ANKS1A: variants seen among roughly 807,000 people sequenced by gnomAD.
ANKS1A encodes ankyrin repeat and SAM domain-containing protein 1A.
In ANKS1A, 55 loss-of-function variants were observed where a neutral mutation model predicts 120.3. The ratio of observed to expected loss-of-function variants is 0.46; its 90% CI spans 0.37 to 0.57. The LOEUF (loss-of-function observed/expected upper bound fraction) is 0.57, where lower values mean the gene tolerates loss of function less well. Ranked by LOEUF, ANKS1A falls within the 20% of genes least tolerant of loss-of-function variation. The pLI is 0.00. For synonymous variants in ANKS1A, 590 were observed against 604.7 expected (o/e 0.98, Z 0.36); for missense variants, 1,123 against 1,480.3 (o/e 0.76, Z 3.96).
In ANKS1A at chr6:35,056,288, TTTG is replaced by T. The variant is rs1277390763; in HGVS notation, c.2077+2138_2077+2140del. Among the ~76,000 whole-genome samples, 6 of 152,154 alleles carry T rather than the reference TTTG, an allele frequency of 3.9e-5. No homozygotes were observed. In the East Asian group the frequency reaches 7.7e-4, roughly 20 times the overall value. ...TAGTTTTTTGTTTGTTTGTTTTATT[TTTG>T]TTGTTGTTGTTGTTTGAGACGGAGT... On this transcript the variant is annotated intron_variant, in intron 12 of 23. Transcript: ENST00000360359.
At chr6:34,916,464 G>T (rs1561845991) in intron 1 of ANKS1A, among the ~76,000 whole-genome samples, 1 of 152,188 alleles carries the variant, frequency 6.6e-6, no homozygotes, top group Non-Finnish European at 1.5e-5. Flanking sequence ...TGCTGCTGGA[G>T]ACTGCTGTAG....
At chr6:35,019,052 T>C (rs765585643) in intron 11 of ANKS1A, among the ~76,000 whole-genome samples, 14 of 152,072 alleles carry the variant, frequency 9.2e-5, no homozygotes, top group Admixed American at 2.0e-4. Flanking sequence ...GTAGAAAACA[T>C]TGGGAGTCAG....
At chr6:34,910,988 A>G (rs1767883211) in intron 1 of ANKS1A, among the ~76,000 whole-genome samples, 1 of 152,178 alleles carries the variant, frequency 6.6e-6, no homozygotes, top group South Asian at 2.1e-4. Flanking sequence ...GATAACTGAA[A>G]TGAAACACTT....
chr6:34,974,570 G>A (rs576509284), intron 3 of ANKS1A, among the ~76,000 whole-genome samples: 1 of 151,782 alleles, frequency 6.6e-6, no homozygotes, highest in Non-Finnish European at 1.5e-5. Flanking sequence ...TTTTGTTTTG[G>A]AAGTAGAGTG....
At chr6:35,055,332 AAT>A (rs2127587440) in intron 12 of ANKS1A, among the ~76,000 whole-genome samples, 1 of 150,694 alleles carries the variant, frequency 6.6e-6, no homozygotes. Flanking sequence ...GATAAAAAAA[AAT>A]TTTTTTTTTT....
intron 1 of ANKS1A, among the ~76,000 whole-genome samples, chr6:34,962,133 A>G (rs1770668498): frequency 6.6e-6 from 1 of 152,200 alleles, no homozygotes; most frequent in African/African-American, 2.4e-5. Flanking sequence ...GCATAGTCAT[A>G]TACTTTTTGG....
intron 1 of ANKS1A, among the ~76,000 whole-genome samples, chr6:34,900,461 T>C (rs1441795289): frequency 6.6e-6 from 1 of 152,108 alleles, no homozygotes; most frequent in Admixed American, 6.6e-5. Context: ...GTTTTTTTTT[T>C]AATAACAAAA....
chr6:35,013,167 C>T (rs753848176), intron 10 of ANKS1A, among the ~76,000 whole-genome samples: 16 of 152,168 alleles, frequency 1.1e-4, no homozygotes, highest in Middle Eastern at 3.2e-3. Flanking sequence ...GTGCTCAGCT[C>T]GAAAGCTACC....
chr6:34,908,835 C>T (rs2127455017), intron 1 of ANKS1A, among the ~76,000 whole-genome samples: 1 of 151,772 alleles, frequency 6.6e-6, no homozygotes, highest in Admixed American at 6.6e-5. Context: ...ACTTCCAAGC[C>T]TCATCTTTTG....
In ANKS1A at chr6:35,079,907, C is replaced by T. The variant is rs1003288567; in HGVS notation, c.2523C>T (p.Pro841=). The change falls in exon 16 of 24, where the codon CCC becomes CCT. Residue 841 remains proline, a synonymous_variant. Coordinates refer to ENST00000360359, the MANE Select transcript of ANKS1A (RefSeq NM_015245.3). ...DRPYEEPPQK[P]PRFSQLRCQD... Reference sequence around the variant, plus strand: ...CGTACGAGGAGCCGCCCCAGAAGCCCCCCAGATTCTCCCAGCTGAGGGTGA... The same window carrying T: ...CGTACGAGGAGCCGCCCCAGAAGCCTCCCAGATTCTCCCAGCTGAGGGTGA... The T allele has an allele frequency of 5.1e-6, 8 of 1,558,748 alleles. No homozygotes were observed. The Middle Eastern group carries it at 1.1e-3, about 208-fold the overall frequency.
At chr6:35,027,471 G>T (rs1373164975) in intron 11 of ANKS1A, among the ~76,000 whole-genome samples, 3 of 152,222 alleles carry the variant, frequency 2.0e-5, no homozygotes, top group Non-Finnish European at 4.4e-5. Context: ...TGGTCTGTGT[G>T]TATGCATGCA....
chr6:34,916,274 T>C (rs893799486), intron 1 of ANKS1A, among the ~76,000 whole-genome samples: 7 of 152,180 alleles, frequency 4.6e-5, no homozygotes, highest in Admixed American at 1.3e-4. Flanking sequence ...ATTACAGGCA[T>C]GAGCCACTGC....
At chr6:35,021,449 T>A (rs2689088) in intron 11 of ANKS1A, among the ~76,000 whole-genome samples, 138,309 of 152,206 alleles carry the variant, frequency 0.91, 63,629 homozygotes, top group East Asian at 0.99. Flanking sequence ...CCCCAGCTCC[T>A]CCATCTCCAC....
intron 10 of ANKS1A, among the ~76,000 whole-genome samples, chr6:35,007,678 T>G (rs1421552684): frequency 6.6e-6 from 1 of 152,228 alleles, no homozygotes; most frequent in Non-Finnish European, 1.5e-5. Context: ...AGTGCTTGGG[T>G]CCAGGTGAAG....
intron 3 of ANKS1A, among the ~76,000 whole-genome samples, chr6:34,970,463 G>A (rs950937515): frequency 6.6e-6 from 1 of 152,048 alleles, no homozygotes; most frequent in African/African-American, 2.4e-5. Context: ...TCAGCCCTTC[G>A]TTTCCAGGAC....
At chr6:34,928,839 T>C (rs767657646) in intron 1 of ANKS1A, among the ~76,000 whole-genome samples, 4 of 152,198 alleles carry the variant, frequency 2.6e-5, no homozygotes, top group Non-Finnish European at 5.9e-5. Context: ...TTTTCCTCTT[T>C]TGAGTTCTAA....
rs1435354864 is a variant in ANKS1A at position 35,044,608 on chromosome 6, C to T, written c.2011-9491C>T. On this transcript the variant is annotated intron_variant, in intron 11 of 23. Coordinates refer to ENST00000360359, the MANE Select transcript of ANKS1A (RefSeq NM_015245.3). The surrounding 1 kb of genome is among the most constrained non-coding windows in gnomAD (Gnocchi z 4.4). ...GCCTTGTAGAAAGGCGTCACTCCCT[C>T]ACATAAAACGTTTTGTCCTGAATGG... Among the ~76,000 whole-genome samples, 2 of 152,196 alleles carry T rather than the reference C, an allele frequency of 1.3e-5. No homozygotes were observed. Among genetic ancestry groups the T allele is most frequent in the Non-Finnish European group, 2.9e-5 (2 of 68,040 alleles).
intron 3 of ANKS1A, among the ~76,000 whole-genome samples, chr6:34,976,277 G>A (rs1207679792): frequency 5.9e-5 from 9 of 152,182 alleles, no homozygotes; most frequent in Middle Eastern, 3.4e-3. Flanking sequence ...TCAGGCACCT[G>A]TACAAATTAA....
intron 13 of ANKS1A, among the ~76,000 whole-genome samples, chr6:35,061,550 G>A (rs1179585521): frequency 6.6e-6 from 1 of 152,162 alleles, no homozygotes; most frequent in Non-Finnish European, 1.5e-5. Flanking sequence ...CCTGCCCAGG[G>A]AGCTGGCCTG....
Sources: allele counts gnomAD v4.1 joint callset (sites outside exome capture counted in the v4.1 genomes callset), GRCh38; gene constraint gnomAD v4.1.1; non-coding constraint Gnocchi (gnomAD v3.1); transcripts MANE v1.5; gene names NCBI Gene and HGNC (gene_info 2026-07-23, HGNC 2026-07-21).